Variants in DUSP10 observed in about 807,000 individuals in gnomAD.
The protein encoded by DUSP10 is dual specificity phosphatase 10.
DUSP10 carries 14 observed loss-of-function variants against 30.8 expected under a neutral mutation model. The observed-to-expected ratio is 0.46, with a 90% CI of 0.30 to 0.71. DUSP10 has a LOEUF of 0.71. DUSP10 is among the 30% of genes least tolerant of loss of function. The probability of loss-of-function intolerance (pLI) is 0.08; values close to 1 mark genes in which losing one functional copy is unlikely to be tolerated. For synonymous variants in DUSP10, 254 were observed against 250.4 expected (o/e 1.01, Z -0.14); for missense variants, 550 against 619.4 (o/e 0.89, Z 1.19).
At chr1:221,738,653 T>C (rs1398293275) in intron 2 of DUSP10, among the ~76,000 whole-genome samples, 1 of 152,190 alleles carries the variant, frequency 6.6e-6, no homozygotes, top group Non-Finnish European at 1.5e-5. Flanking sequence ...AAGCCCCTTT[T>C]TAGAAAGATG....
At chr1:221,726,216 C>A (rs1226164913) in intron 2 of DUSP10, among the ~76,000 whole-genome samples, 1 of 152,126 alleles carries the variant, frequency 6.6e-6, no homozygotes, top group Non-Finnish European at 1.5e-5. Context: ...CAACTAGCAC[C>A]CAAAATGGCA....
At chr1:221,712,305 A>T (rs2102621998) in intron 2 of DUSP10, among the ~76,000 whole-genome samples, 1 of 152,266 alleles carries the variant, frequency 6.6e-6, no homozygotes, top group Non-Finnish European at 1.5e-5. Flanking sequence ...AGAGGCAGAG[A>T]GAGTTGAATG....
chr1:221,737,462 A>C (rs1010463398), intron 2 of DUSP10: 1 of 985,240 alleles, frequency 1.0e-6, no homozygotes, highest in African/African-American at 1.7e-5. Flanking sequence ...CCATACAAGA[A>C]TACAGAAACA....
At chr1:221,716,784 C>G (rs1661119516) in intron 2 of DUSP10, among the ~76,000 whole-genome samples, 1 of 152,198 alleles carries the variant, frequency 6.6e-6, no homozygotes, top group South Asian at 2.1e-4. Context: ...TGGTACGTGT[C>G]TAAACTTTAC....
At chr1:221,710,372 T>C (rs1660900079) in intron 2 of DUSP10, among the ~76,000 whole-genome samples, 1 of 152,176 alleles carries the variant, frequency 6.6e-6, no homozygotes, top group Non-Finnish European at 1.5e-5. Context: ...TGTCTGTTCC[T>C]CAGTTTCCCT....
At chr1:221,705,802 A>T (rs922075966) in intron 3 of DUSP10, among the ~76,000 whole-genome samples, 1 of 152,202 alleles carries the variant, frequency 6.6e-6, no homozygotes, top group Non-Finnish European at 1.5e-5. Context: ...AGAGCACATA[A>T]ATGCTAACCC....
chr1:221,738,942 A>C lies in DUSP10; in HGVS notation c.803T>G (p.Val268Gly), dbSNP rs1164881434. 4 of 1,607,518 alleles carry C rather than the reference A, an allele frequency of 2.5e-6. No homozygotes were observed. Among genetic ancestry groups the C allele is most frequent in the South Asian group, 1.1e-5 (1 of 90,062 alleles). Reference sequence around the variant, plus strand: ...GGGAGCAGGGGCATTACCTTTCAACACCAGAGGTTCTTTGCCTTCTCTCTT... The same window carrying C: ...GGGAGCAGGGGCATTACCTTTCAACCCCAGAGGTTCTTTGCCTTCTCTCTT... ...SLKREGKEPL[V>G]LKGGLSSFKQ... The change falls in exon 2 of 4, where the codon GTG becomes GGG. Residue 268 changes from valine (V) to glycine (G), a missense_variant. Physicochemically the swap from Val to Gly is moderately radical, Grantham distance 109. Coordinates refer to ENST00000366899, the MANE Select transcript of DUSP10 (RefSeq NM_007207.6).
rs185184945 is a variant in DUSP10, at chr1:221,702,688, G to A, written c.1184-11C>T. The A allele has an allele frequency of 1.2e-5, 20 of 1,612,668 alleles. No individual in the cohort carries two copies. In the Admixed American group the frequency reaches 3.3e-4, roughly 27 times the overall value. On this transcript the variant is annotated splice_polypyrimidine_tract_variant and intron_variant, in intron 3 of 3. Coordinates refer to ENST00000366899, the MANE Select transcript of DUSP10 (RefSeq NM_007207.6). The surrounding 1 kb of genome is among the most constrained non-coding windows in gnomAD (Gnocchi z 4.5). ...ACTGGTGAGCTTCCTCTGAAAAAAG[G>A]GAGAAAGACAAGAGATGAAGGGAAG...
chr1:221,723,587 A>G (rs1450838136), intron 2 of DUSP10, among the ~76,000 whole-genome samples: 1 of 152,224 alleles, frequency 6.6e-6, no homozygotes, highest in East Asian at 1.9e-4. Context: ...TGGCTTCTAC[A>G]ATGCTTCAGG....
chr1:221,715,828 C>T (rs999640391), intron 2 of DUSP10, among the ~76,000 whole-genome samples: 2 of 152,088 alleles, frequency 1.3e-5, no homozygotes, highest in Non-Finnish European at 2.9e-5. Flanking sequence ...GCCAGGAAGC[C>T]CCTCAGGTTT....
chr1:221,731,615 T>C (rs1270033892), intron 2 of DUSP10, among the ~76,000 whole-genome samples: 3 of 96,548 alleles, frequency 3.1e-5, no homozygotes, highest in Non-Finnish European at 6.2e-5. Flanking sequence ...TTTTTTTTTT[T>C]TTTTTTCTTT....
At chr1:221,737,482 A>C (rs1327661657) in intron 2 of DUSP10, 3 of 984,958 alleles carry the variant, frequency 3.0e-6, no homozygotes, top group Admixed American at 6.1e-5. Flanking sequence ...AATAAAATAC[A>C]GAGCTATATG....
Position 221,707,318 on chromosome 1 carries a change from G to A in DUSP10, c.812-852C>T, listed in dbSNP as rs760780485. 6.0e-4 allele frequency among the ~76,000 whole-genome samples: 91 copies of A among 152,148 alleles called. 1 individual carries two copies. Among genetic ancestry groups the A allele is most frequent in the Non-Finnish European group, 1.1e-3 (75 of 68,028 alleles). On this transcript the variant is annotated intron_variant, in intron 2 of 3. Transcript: ENST00000366899. Reference sequence around the variant, plus strand: ...TATAATCTTTTTTGATATTCTCCACGTAGGGCCCTGACATTTATCAACCCT... The same window carrying A: ...TATAATCTTTTTTGATATTCTCCACATAGGGCCCTGACATTTATCAACCCT...
chr1:221,714,425 T>C (rs1009199368), intron 2 of DUSP10, among the ~76,000 whole-genome samples: 1 of 152,190 alleles, frequency 6.6e-6, no homozygotes, highest in East Asian at 1.9e-4. Context: ...TACCTGCGAC[T>C]AGACATGTTC....
At chr1:221,710,576 C>T (rs1660906431) in intron 2 of DUSP10, among the ~76,000 whole-genome samples, 1 of 151,204 alleles carries the variant, frequency 6.6e-6, no homozygotes, top group Non-Finnish European at 1.5e-5. Flanking sequence ...TATAAGTAAA[C>T]TAATGTTCCT....
At chr1:221,730,535 G>C (rs1661558381) in intron 2 of DUSP10, among the ~76,000 whole-genome samples, 1 of 152,196 alleles carries the variant, frequency 6.6e-6, no homozygotes, top group South Asian at 2.1e-4. Context: ...GGCCAGGGTT[G>C]GGGGCGGTGG....
chr1:221,706,331 T>C lies in DUSP10; in HGVS notation c.947A>G (p.Asp316Gly). The C allele has an allele frequency of 6.2e-7, 1 of 1,612,738 alleles. No individual in the cohort carries two copies. Residue 316 changes from aspartate (D) to glycine (G), a missense_variant, in exon 3 of 4, where the codon GAC becomes GGC. Asp to Gly is a moderately conservative substitution (Grantham distance 94). Coordinates refer to ENST00000366899, the MANE Select transcript of DUSP10 (RefSeq NM_007207.6). This position sits in a 1 kb window ranked among gnomAD's most constrained non-coding sequence, Gnocchi z 4.6. ...GGGGGTGAGCTCAGCGTTCTCGATG[T>C]CAGGGGTGGTGGGGATGGGCTGAGG... is the stretch of plus-strand genomic sequence containing the variant. ...LLPQPIPTTP[D>G]IENAELTPIL...
intron 2 of DUSP10, among the ~76,000 whole-genome samples, chr1:221,708,114 G>T (rs1660821275): frequency 1.3e-5 from 2 of 152,186 alleles, no homozygotes; most frequent in Admixed American, 1.3e-4. Flanking sequence ...GGGGGAAGTG[G>T]AAAAGTCCTA....
chr1:221,708,427 T>A (rs1660831127), intron 2 of DUSP10, among the ~76,000 whole-genome samples: 1 of 152,218 alleles, frequency 6.6e-6, no homozygotes, highest in South Asian at 2.1e-4. Flanking sequence ...GAAATCATAT[T>A]TTCCTTAAGG....
Sources: allele counts gnomAD v4.1 joint callset (sites outside exome capture counted in the v4.1 genomes callset), GRCh38; gene constraint gnomAD v4.1.1; non-coding constraint Gnocchi (gnomAD v3.1); transcripts MANE v1.5; gene names NCBI Gene and HGNC (gene_info 2026-07-23, HGNC 2026-07-21).